The following FANCG variants were observed in gnomAD, a reference collection of about 807,000 sequenced individuals.
The protein encoded by FANCG is Fanconi anemia group G protein.
In FANCG, 67 loss-of-function variants were observed where a neutral mutation model predicts 73.3. The ratio of observed to expected loss-of-function variants is 0.91; its 90% confidence interval spans 0.75 to 1.12. The LOEUF (loss-of-function observed/expected upper bound fraction) is 1.12. Among genes scored for constraint, FANCG ranks in the 50% most tolerant of loss-of-function variants. The pLI, the probability that FANCG is intolerant of heterozygous loss-of-function variation, is 0.00. For synonymous variants in FANCG, 297 were observed against 311.6 expected (o/e 0.95, Z 0.49); for missense variants, 643 against 735.6 (o/e 0.87, Z 1.46).
At chr9:35,075,195 G>A in intron 11 of FANCG, 84 bp downstream of exon 11, 1 of 1,601,034 alleles carries the variant, frequency 6.2e-7, no homozygotes, top group Non-Finnish European at 8.6e-7. Context: ...TAAGTCTCCT[G>A]GTGGGCTGGG....
rs753727461 is a variant in FANCG, at chr9:35,077,289, GA to G, written c.620del (p.Leu207ProfsTer2). 26 of 1,614,080 alleles carry G rather than the reference GA, an allele frequency of 1.6e-5. No individual in the cohort carries two copies. The highest frequency in any genetic ancestry group is 2.2e-5 in the Non-Finnish European group (26 of 1,180,034). On this transcript the variant is annotated frameshift_variant, in exon 5 of 14. Coordinates refer to ENST00000378643, the MANE Select transcript of FANCG (RefSeq NM_004629.2). LOFTEE classifies it high-confidence loss of function. ...CTTGGCGGTAGGCAAATGCTGTCAG[GA>G]GGACATCCTTCAATCCCTGGGCATC... ...LQDAQGLKDV[L>X]LTAFAYRQGL...
rs112854819 is a variant in FANCG, at chr9:35,076,438, G to A, written c.1070C>T (p.Thr357Met). The A allele has an allele frequency of 1.1e-4, 173 of 1,613,848 alleles. No homozygotes were observed. The highest frequency in any genetic ancestry group is 3.3e-4 in the Middle Eastern group (2 of 5,978). ...KHILASRCLQ[T>M]GRAGDAAEHY... ...TGAGCAAGGGGAACCTCACCTCCCC[G>A]TCTGTAGGCACCTGCTTGCTAGTAT... is the stretch of plus-strand genomic sequence containing the variant. Residue 357 changes from threonine (T) to methionine (M), a missense_variant, in exon 8 of 14, where the codon ACG (threonine) becomes ATG (methionine). By Grantham distance (81) the Thr-to-Met change is moderately conservative (BLOSUM62 -1). Transcript: ENST00000378643.
intron 8 of FANCG, 60 bp from the exon 9 acceptor site, chr9:35,076,088 C>G (rs1456934845): frequency 1.3e-6 from 2 of 1,492,522 alleles, no homozygotes; most frequent in African/African-American, 2.8e-5. Context: ...TGCAAGGGTC[C>G]TGAGAATGTT....
Position 35,075,705 on chromosome 9 carries a change from AAAAACACCTC to A in FANCG, c.1183_1192del (p.Glu395TrpfsTer5), listed in dbSNP as rs397507559. The stretch of plus-strand genomic sequence containing the variant: ...CTGGATCAGTGCTACCGCTGCCTCC[AAAAACACCTC>A]AGGCATACAGGGCCCTGGAGGGGAG... On this transcript the variant is annotated frameshift_variant, in exon 10 of 14. Coordinates refer to ENST00000378643, the MANE Select transcript of FANCG (RefSeq NM_004629.2). LOFTEE classifies it high-confidence loss of function. The A allele has an allele frequency of 5.6e-5, 78 of 1,386,426 alleles. No individual in the cohort carries two copies. The highest frequency in any genetic ancestry group is 5.8e-5 in the Non-Finnish European group (60 of 1,037,286). The allele number at this position is 1,386,426 out of a possible 1,614,324, so 85.9% of individuals were successfully genotyped here. A position where few individuals can be genotyped will look rare whatever the true frequency, so the allele number is the denominator to read the frequency against.
At chr9:35,075,234 C>T in intron 11 of FANCG, 45 bp downstream of exon 11, 1 of 1,610,688 alleles carries the variant, frequency 6.2e-7, no homozygotes. Context: ...ACTTCCACCA[C>T]TACCACTTCC....
chr9:35,076,315 C>T lies in FANCG; in HGVS notation c.1076+117G>A, dbSNP rs1166204460. On this transcript the variant is annotated intron_variant, in intron 8 of 13. Coordinates refer to ENST00000378643, the MANE Select transcript of FANCG (RefSeq NM_004629.2). ...AGGTAAGAGGCTGAGGAGTGGCGAC[C>T]TATGTCCTGCCACTGCCTCATTCAT... 7 of 1,255,060 alleles carry T rather than the reference C, an allele frequency of 5.6e-6. No individual in the cohort carries two copies. The East Asian group carries it at 1.4e-4, about 25-fold the overall frequency. The allele number at this position is 1,255,060 out of a possible 1,614,324, so 77.7% of individuals were successfully genotyped here. A position where few individuals can be genotyped will look rare whatever the true frequency, so the allele number is the denominator to read the frequency against.
intron 4 of FANCG, chr9:35,077,932 C>T: frequency 1.7e-6 from 1 of 603,800 alleles, no homozygotes; most frequent in Admixed American, 2.6e-5. Context: ...GCCACCATGC[C>T]TGTCCAATTT....
At position 35,074,208 on chromosome 9, in the gene FANCG, G is replaced by A; in HGVS notation, c.1769C>T (p.Pro590Leu). ...GSHEDALWSL[P>L]LYLESYLSWI... The stretch of plus-strand genomic sequence containing the variant: ...GCTCAAATAGCTTTCTAGGTACAGG[G>A]GGAGAGACCTGGAGAGAAAGAAGGA... The change falls in exon 14 of 14, where the codon CCC becomes CTC. Residue 590 changes from proline (P) to leucine (L), a missense_variant. Coordinates refer to ENST00000378643, the MANE Select transcript of FANCG (RefSeq NM_004629.2). The A allele has an allele frequency of 1.2e-6, 2 of 1,614,082 alleles. No homozygotes were observed. The highest frequency in any genetic ancestry group is 1.3e-5 in the African/African-American group (1 of 75,056).
chr9:35,076,626 C>G (rs373748419), intron 7 of FANCG, 43 bp from the exon 8 acceptor site: 4 of 1,614,072 alleles, frequency 2.5e-6, no homozygotes, highest in Non-Finnish European at 3.4e-6. Flanking sequence ...TCTTTGGGAG[C>G]CATACTTCCT....
chr9:35,078,087 A>G (rs1829118906), intron 4 of FANCG, 54 bp downstream of exon 4: 1 of 1,527,412 alleles, frequency 6.5e-7, no homozygotes, highest in Non-Finnish European at 9.1e-7. Context: ...GCTGGAGAGA[A>G]AGGAGGAGGA....
At chr9:35,075,800 A>T (rs1352217302) in intron 9 of FANCG, 46 bp from the exon 10 acceptor site, 1 of 1,564,026 alleles carries the variant, frequency 6.4e-7, no homozygotes, top group Non-Finnish European at 8.8e-7. Flanking sequence ...ATGAGCCACC[A>T]TCCCCAACCT....
At position 35,077,206 on chromosome 9, in the gene FANCG, G is replaced by A. The variant is rs17885726; in HGVS notation, c.646+58C>T. 0.21 allele frequency: 334,833 copies of A among 1,613,590 alleles called. 36,559 individuals are homozygous for A. The highest frequency in any genetic ancestry group is 0.24 in the South Asian group (21,483 of 91,060). ...TGGAACTGAATGGGACAAGAGAGAG[G>A]GCATGAGTCTGGAGGACCACTTAAA... On this transcript the variant is annotated intron_variant, in intron 5 of 13. Coordinates refer to ENST00000378643, the MANE Select transcript of FANCG (RefSeq NM_004629.2).
At chr9:35,079,117 G>A in intron 2 of FANCG, 34 bp downstream of exon 2, 8 of 1,545,706 alleles carry the variant, frequency 5.2e-6, no homozygotes, top group Middle Eastern at 1.7e-4. Context: ...CTATGGAAGA[G>A]GGGAACTGAC....
chr9:35,074,063 G>A lies in FANCG; in HGVS notation c.*45C>T. The A allele has an allele frequency of 7.2e-7, 1 of 1,387,012 alleles. No homozygotes were observed. Among genetic ancestry groups the A allele is most frequent in the Non-Finnish European group, 1.0e-6 (1 of 973,028 alleles). 85.9% of individuals were successfully genotyped at this position (1,387,012 alleles called of 1,614,324 possible). A position where few individuals can be genotyped will look rare whatever the true frequency, so the allele number is the denominator to read the frequency against. ...AAGCAGAAAGCCCTCCCCACAGAGA[G>A]ACAGCCCACTGGGGACCCAGCTCAA... On this transcript the variant is annotated 3_prime_UTR_variant, in exon 14 of 14. Coordinates refer to ENST00000378643, the MANE Select transcript of FANCG (RefSeq NM_004629.2).
At chr9:35,074,326 A>C (rs779387666) in intron 13 of FANCG, 45 bp downstream of exon 13, 4 of 1,614,118 alleles carry the variant, frequency 2.5e-6, no homozygotes, top group Admixed American at 1.7e-5. Flanking sequence ...GGACTCTAGG[A>C]CACCAACTGC....
rs2131053992 is a variant in FANCG at position 35,075,616 on chromosome 9, G to A, written c.1282C>T (p.Leu428=). Residue 428 remains leucine, a synonymous_variant, in exon 10 of 14, where the codon CTA becomes TTA. Coordinates refer to ENST00000378643, the MANE Select transcript of FANCG (RefSeq NM_004629.2). ...EELLSRTSSL[L]PKMSRLWEDA... ...TCCCACAGCCGGGACATCTTGGGTA[G>A]CAGAGATGATGTGCGGCTGAGCAAC... 1.9e-6 allele frequency: 3 copies of A among 1,614,070 alleles called. No individual in the cohort carries two copies. Among genetic ancestry groups the A allele is most frequent in the South Asian group, 1.1e-5 (1 of 91,078 alleles).
At position 35,077,944 on chromosome 9, in the gene FANCG, T is replaced by A. The variant is rs1587143107; in HGVS notation, c.510+197A>T. The A allele has an allele frequency of 2.4e-5, 15 of 621,486 alleles. No individual in the cohort carries two copies. The East Asian group carries it at 3.7e-4, about 15-fold the overall frequency. 38.5% of individuals were successfully genotyped at this position (621,486 alleles called of 1,614,324 possible). On this transcript the variant is annotated intron_variant, in intron 4 of 13. Transcript: ENST00000378643. ...TGAGCCACCATGCCTGTCCAATTTT[T>A]AAAAAACACTCCTAAGAGAATCCCC...
Position 35,076,505 on chromosome 9 carries a change from C to T in FANCG, c.1003G>A (p.Ala335Thr). 2 of 1,614,098 alleles carry T rather than the reference C, an allele frequency of 1.2e-6. No homozygotes were observed. The highest frequency in any genetic ancestry group is 8.5e-7 in the Non-Finnish European group (1 of 1,180,018). Residue 335 changes from alanine to threonine, a missense_variant, in exon 8 of 14, where the codon GCC becomes ACC. By Grantham distance (58) the Ala-to-Thr change is moderately conservative (BLOSUM62 0). Coordinates refer to ENST00000378643, the MANE Select transcript of FANCG (RefSeq NM_004629.2). The part of the protein sequence containing the change: ...VELLLPPPDL[A>T]SPLHCGTQSQ... ...TGAGTGCCACAATGAAGGGGTGAGG[C>T]TAGGTCAGGTGGTGGCAGTAGTAAT...
chr9:35,075,709 A>G lies in FANCG; in HGVS notation c.1189T>C (p.Phe397Leu), dbSNP rs1060501868. 10 of 1,342,452 alleles carry G rather than the reference A, an allele frequency of 7.4e-6. No homozygotes were observed. The highest frequency in any genetic ancestry group is 1.6e-5 in the African/African-American group (1 of 62,764). 83.2% of individuals were successfully genotyped at this position (1,342,452 alleles called of 1,614,324 possible). Residue 397 changes from phenylalanine to leucine, a missense_variant, in exon 10 of 14, where the codon TTT (phenylalanine) becomes CTT (leucine). Coordinates refer to ENST00000378643, the MANE Select transcript of FANCG (RefSeq NM_004629.2). ...SPPGPCMPEV[F>L]LEAAVALIQA... ...ATCAGTGCTACCGCTGCCTCCAAAA[A>G]CACCTCAGGCATACAGGGCCCTGGA... is the stretch of plus-strand genomic sequence containing the variant.
Sources: gnomAD v4.1 joint callset for allele counts on GRCh38, gnomAD v4.1.1 for gene constraint, MANE v1.5 for transcripts, NCBI Gene and HGNC (gene_info 2026-07-23, HGNC 2026-07-21) for gene names.